The following ODF2 variants were observed in gnomAD, a reference collection of about 807,000 sequenced individuals.
The protein encoded by ODF2 is outer dense fiber protein 2.
In ODF2, 47 loss-of-function variants were observed where a neutral mutation model predicts 110.2. The ratio of observed to expected loss-of-function variants is 0.43; its 90% confidence interval spans 0.34 to 0.54. The LOEUF (loss-of-function observed/expected upper bound fraction) is 0.54. Ranked by LOEUF, ODF2 falls within the 20% of genes least tolerant of loss-of-function variation. The pLI is 0.03. For missense variants in ODF2, 812 were observed against 1,054.5 expected (o/e 0.77, Z 3.19); for synonymous variants, 352 against 397.7 (o/e 0.89, Z 1.37).
rs756010325 is a variant in ODF2, at chr9:128,496,021, C to A, written c.1912-20C>A. Reference sequence around the variant, plus strand: ...GCGGGAAATTCCTTTGTAAACCAGTCTGTGTTCCTGTCATTTTAGATCGAA... The same window carrying A: ...GCGGGAAATTCCTTTGTAAACCAGTATGTGTTCCTGTCATTTTAGATCGAA... On this transcript the variant is annotated intron_variant, in intron 17 of 20. Transcript: ENST00000604420. The A allele has an allele frequency of 6.2e-7, 1 of 1,613,458 alleles. No homozygotes were observed. Among genetic ancestry groups the A allele is most frequent in the African/African-American group, 1.3e-5 (1 of 74,956 alleles).
rs946384059 is a variant in ODF2, at chr9:128,464,186, C to T, written c.249+3119C>T. Among the ~76,000 whole-genome samples, 53 of 133,560 alleles carry T rather than the reference C, an allele frequency of 4.0e-4. 1 individual carries two copies. The highest frequency in any genetic ancestry group is 3.7e-3 in the Admixed American group (45 of 12,266). 87.6% of individuals were successfully genotyped at this position (133,560 alleles called of 152,430 possible). On this transcript the variant is annotated intron_variant, in intron 4 of 20. Transcript: ENST00000604420. ...TTTTTTTTTTTTTGAGACGGAGTCT[C>T]GCTCTGTCATCCAGTCTGGAGTGCA...
chr9:128,472,839 T>G, intron 6 of ODF2, 74 bp from the exon 7 acceptor site: 1 of 1,598,630 alleles, frequency 6.3e-7, no homozygotes, highest in Non-Finnish European at 8.5e-7. Flanking sequence ...CCCTAGGGCA[T>G]TGTGAGGCAA....
intron 8 of ODF2, among the ~76,000 whole-genome samples, chr9:128,475,202 A>G (rs1045247669): frequency 2.0e-5 from 3 of 152,218 alleles, no homozygotes; most frequent in African/African-American, 7.2e-5. Flanking sequence ...GATGATTTAA[A>G]GTATATGGGA....
chr9:128,460,097 C>G (rs1836017421), intron 3 of ODF2: 1 of 1,270,194 alleles, frequency 7.9e-7, no homozygotes, highest in South Asian at 1.2e-5. Context: ...TCTGCCTGCT[C>G]TCTGATTTAT....
At chr9:128,456,248 C>T in exon 1 of ODF2, 1 of 1,544,450 alleles carries the variant, frequency 6.5e-7, no homozygotes. Flanking sequence ...GCAGCCGTGT[C>T]GCTCCTGGTG....
At chr9:128,465,361 G>A (rs992144556) in intron 4 of ODF2, among the ~76,000 whole-genome samples, 6 of 152,188 alleles carry the variant, frequency 3.9e-5, no homozygotes, top group African/African-American at 1.4e-4. Context: ...GTATGCATGT[G>A]GGGTTCTTGT....
intron 2 of ODF2, among the ~76,000 whole-genome samples, chr9:128,458,724 A>G (rs1330314386): frequency 6.6e-6 from 1 of 151,836 alleles, no homozygotes; most frequent in Non-Finnish European, 1.5e-5. Flanking sequence ...CAAGTGGAAT[A>G]TTTTGGGAAC....
intron 3 of ODF2, 177 bp from the exon 3 acceptor site, chr9:128,460,373 C>A: frequency 1.4e-6 from 2 of 1,409,946 alleles, no homozygotes; most frequent in South Asian, 1.3e-5. Flanking sequence ...TCTGCAGGAG[C>A]CTGCTGAATG....
At chr9:128,457,187 T>A in intron 1 of ODF2, 100 of 1,386,472 alleles carry the variant, frequency 7.2e-5, no homozygotes, top group East Asian at 1.8e-4. Flanking sequence ...TATTTCCCCC[T>A]ACTTTGGCAG....
intron 20 of ODF2, among the ~76,000 whole-genome samples, chr9:128,499,852 A>C (rs1236935714): frequency 1.3e-5 from 2 of 152,104 alleles, no homozygotes; most frequent in Admixed American, 1.3e-4. Flanking sequence ...TCCAGTGATC[A>C]TTCCGTCCTG....
At chr9:128,481,716 A>C (rs1003847583) in intron 9 of ODF2, 65 bp downstream of exon 9, 56 of 1,288,642 alleles carry the variant, frequency 4.3e-5, no homozygotes, top group Admixed American at 4.1e-4. Flanking sequence ...TCCACTACAA[A>C]GTGTAGAGGT....
chr9:128,475,152 A>G (rs1196758720), intron 8 of ODF2, among the ~76,000 whole-genome samples: 1 of 152,160 alleles, frequency 6.6e-6, no homozygotes, highest in Non-Finnish European at 1.5e-5. Context: ...AACTATTTAC[A>G]TAGCATTTAC....
At chr9:128,456,331 G>T (rs1272031196) in intron 1 of ODF2, 76 bp downstream of exon 1, 2 of 1,459,110 alleles carry the variant, frequency 1.4e-6, no homozygotes, top group Non-Finnish European at 1.8e-6. Flanking sequence ...CGCACCCCCG[G>T]CGCGGTCGAC....
intron 3 of ODF2, chr9:128,460,615 T>G (rs1184855664): frequency 6.2e-7 from 1 of 1,613,946 alleles, no homozygotes; most frequent in Non-Finnish European, 8.5e-7. Context: ...AGAACACCCC[T>G]GTCCACGTCC....
rs1156868396 is a variant in ODF2, at chr9:128,494,542, C to T, written c.1785C>T (p.Asp595=). The change falls in exon 17 of 21, where the codon GAC becomes GAT. Residue 595 remains aspartate (D), a synonymous_variant. Coordinates refer to ENST00000604420, the Ensembl canonical transcript of ODF2. This position sits in a 1 kb window ranked among gnomAD's most constrained non-coding sequence, Gnocchi z 4.6. ...GGCAGTTCCAGTCTCAGCTGGCTGACCTGCAGCAGCTCCCTGACATCCTGA... is the reference window on the plus strand; with the variant it reads ...GGCAGTTCCAGTCTCAGCTGGCTGATCTGCAGCAGCTCCCTGACATCCTGA... 1 of 1,614,196 alleles carries T rather than the reference C, an allele frequency of 6.2e-7. No individual in the cohort carries two copies. The highest frequency in any genetic ancestry group is 1.1e-5 in the South Asian group (1 of 91,088).
Position 128,483,943 on chromosome 9 carries a change from A to G in ODF2, c.993A>G (p.Gln331=), listed in dbSNP as rs1470243404. The G allele has an allele frequency of 6.2e-7, 1 of 1,611,908 alleles. No individual in the cohort carries two copies. Among genetic ancestry groups the G allele is most frequent in the Non-Finnish European group, 8.5e-7 (1 of 1,178,278 alleles). Residue 331 remains glutamine (Q), a synonymous_variant, in exon 11 of 21, where the codon CAA becomes CAG. Coordinates refer to ENST00000604420, the Ensembl canonical transcript of ODF2. ...CTTTTTCCGTCTCTCCACAGGCTCAAGCAAAGACAGCCTCTGAGCTTTCTA... is the reference window on the plus strand; with the variant it reads ...CTTTTTCCGTCTCTCCACAGGCTCAGGCAAAGACAGCCTCTGAGCTTTCTA...
At chr9:128,493,269 C>A (rs948377289) in intron 16 of ODF2, among the ~76,000 whole-genome samples, 2 of 152,076 alleles carry the variant, frequency 1.3e-5, no homozygotes, top group Non-Finnish European at 2.9e-5. Flanking sequence ...CCTGTAATCC[C>A]AGCTACTCGG....
At position 128,460,676 on chromosome 9, in the gene ODF2, T is replaced by C. The variant is rs377731198; in HGVS notation, c.124-266T>C. ...AGCGACCAGCAGCCAGGTAGGAGCA[T>C]GCCAGTGGGGCGAGGTAGTAGCTGT... On this transcript the variant is annotated intron_variant, in intron 3 of 20. Transcript: ENST00000604420. 3,295 of 1,613,984 alleles carry C rather than the reference T, an allele frequency of 2.0e-3. 6 individuals are homozygous for C. Among genetic ancestry groups the C allele is most frequent in the Non-Finnish European group, 2.6e-3 (3,044 of 1,179,956 alleles).
chr9:128,457,405 C>T, exon 2 of ODF2: 2 of 1,613,256 alleles, frequency 1.2e-6, no homozygotes, highest in Non-Finnish European at 1.7e-6. Flanking sequence ...GATGCCTAGC[C>T]ATGTCTGCCT....
Sources: allele counts gnomAD v4.1 joint callset (sites outside exome capture counted in the v4.1 genomes callset), GRCh38; gene constraint gnomAD v4.1.1; non-coding constraint Gnocchi (gnomAD v3.1); transcripts MANE v1.5; gene names NCBI Gene and HGNC (gene_info 2026-07-23, HGNC 2026-07-21).